The following XPR1 variants were observed in gnomAD, a reference collection of about 807,000 sequenced individuals.
XPR1 encodes the protein solute carrier family 53 member 1.
XPR1 carries 28 observed loss-of-function variants against 87.5 expected under a neutral mutation model. That is an observed-to-expected ratio of 0.32 (90% confidence interval 0.24 to 0.44). The LOEUF (loss-of-function observed/expected upper bound fraction) is 0.44. XPR1 is among the 20% of genes least tolerant of loss of function. The probability of loss-of-function intolerance (pLI) is 1.00; values close to 1 mark genes in which losing one functional copy is unlikely to be tolerated. For synonymous variants in XPR1, 300 were observed against 306.1 expected (o/e 0.98, Z 0.21); for missense variants, 559 against 862.3 (o/e 0.65, Z 4.41).
intron 12 of XPR1, among the ~76,000 whole-genome samples, chr1:180,872,655 A>G (rs1175794040): frequency 7.5e-6 from 1 of 133,176 alleles, no homozygotes; most frequent in African/African-American, 2.9e-5. Flanking sequence ...AGGTGAGGCA[A>G]TGCCTCGCCC....
At chr1:180,785,011 TTGTGTGTGTG>T (rs1186269708) in intron 2 of XPR1, among the ~76,000 whole-genome samples, 12 of 136,278 alleles carry the variant, frequency 8.8e-5, no homozygotes, top group Non-Finnish European at 1.4e-4. Context: ...GTGTGTGTGT[TTGTGTGTGTG>T]TGTGTGTGTG....
At chr1:180,658,728 C>CTT (rs112053904) in intron 1 of XPR1, among the ~76,000 whole-genome samples, 11 of 140,656 alleles carry the variant, frequency 7.8e-5, no homozygotes, top group African/African-American at 2.1e-4. Context: ...CCATGCCCAG[C>CTT]TTTTTTTTTT....
At chr1:180,680,715 T>C (rs1000066952) in intron 1 of XPR1, among the ~76,000 whole-genome samples, 3 of 152,084 alleles carry the variant, frequency 2.0e-5, no homozygotes, top group South Asian at 2.1e-4. Flanking sequence ...TGGGCATTTA[T>C]CCAAAGGAAA....
At chr1:180,847,530 A>G (rs561343548) in intron 11 of XPR1, among the ~76,000 whole-genome samples, 31 of 152,302 alleles carry the variant, frequency 2.0e-4, no homozygotes, top group South Asian at 4.1e-4. Context: ...TAAAATTAGT[A>G]AAATTGAGAG....
intron 7 of XPR1, 110 bp from the exon 8 acceptor site, chr1:180,824,643 A>C: frequency 1.1e-6 from 1 of 929,204 alleles, no homozygotes; most frequent in Non-Finnish European, 1.6e-6. Flanking sequence ...GGTTTTATTT[A>C]TGAAAAATTT....
chr1:180,824,907 T>G lies in XPR1; in HGVS notation c.918T>G (p.Asn306Lys). The G allele has an allele frequency of 6.2e-7, 1 of 1,613,820 alleles. No individual in the cohort carries two copies. The highest frequency in any genetic ancestry group is 8.5e-7 in the Non-Finnish European group (1 of 1,179,962). Reference sequence around the variant, plus strand: ...ACCATGTACTCATCTTTGAACTTAATCCGAGAAGCAATTTGTCTCATCAAC... The same window carrying G: ...ACCATGTACTCATCTTTGAACTTAAGCCGAGAAGCAATTTGTCTCATCAAC... The part of the protein sequence containing the change: ...GVNHVLIFEL[N>K]PRSNLSHQHL... Residue 306 changes from asparagine to lysine, a missense_variant, in exon 8 of 15, where the codon AAT (asparagine) becomes AAG (lysine). Transcript: ENST00000367590.
chr1:180,866,479 G>A (rs1289323857), intron 12 of XPR1, among the ~76,000 whole-genome samples: 1 of 152,132 alleles, frequency 6.6e-6, no homozygotes, highest in South Asian at 2.1e-4. Flanking sequence ...TGACCTCAAA[G>A]ATAAGTGTAT....
At chr1:180,722,657 T>C (rs539966993) in intron 2 of XPR1, among the ~76,000 whole-genome samples, 1 of 152,210 alleles carries the variant, frequency 6.6e-6, no homozygotes, top group South Asian at 2.1e-4. Context: ...TTTTGAAAAA[T>C]CTTGCCTAAG....
chr1:180,744,453 A>G (rs1010622303), intron 2 of XPR1, among the ~76,000 whole-genome samples: 5 of 152,002 alleles, frequency 3.3e-5, no homozygotes, highest in Non-Finnish European at 4.4e-5. Context: ...TTTTTGTTAC[A>G]TAATTCCAAC....
intron 1 of XPR1, among the ~76,000 whole-genome samples, chr1:180,666,102 T>G (rs913153331): frequency 6.6e-6 from 1 of 152,154 alleles, no homozygotes; most frequent in African/African-American, 2.4e-5. Flanking sequence ...TCATAAAAAT[T>G]TATTTGACCG....
chr1:180,776,271 CT>C (rs1558002756), intron 2 of XPR1, among the ~76,000 whole-genome samples: 1 of 152,064 alleles, frequency 6.6e-6, no homozygotes, highest in African/African-American at 2.4e-5. Flanking sequence ...AACTTTCATT[CT>C]GATCTACTTA....
intron 2 of XPR1, among the ~76,000 whole-genome samples, chr1:180,698,637 ATAT>A (rs1557962850): frequency 1.3e-5 from 2 of 152,080 alleles, no homozygotes; most frequent in Non-Finnish European, 2.9e-5. Context: ...ATGATGGTAG[ATAT>A]TATTCTTTAG....
chr1:180,666,348 A>T (rs1177465072), intron 1 of XPR1, among the ~76,000 whole-genome samples: 1 of 152,186 alleles, frequency 6.6e-6, no homozygotes, highest in Non-Finnish European at 1.5e-5. Flanking sequence ...TTCGATAGGT[A>T]CTGGACTGAA....
chr1:180,845,129 A>G (rs1431837354), intron 11 of XPR1, among the ~76,000 whole-genome samples: 1 of 152,206 alleles, frequency 6.6e-6, no homozygotes, highest in African/African-American at 2.4e-5. Flanking sequence ...CACTTTGGTA[A>G]TAAAAACAGA....
intron 1 of XPR1, among the ~76,000 whole-genome samples, chr1:180,637,180 T>C (rs922249755): frequency 1.3e-5 from 2 of 152,280 alleles, no homozygotes; most frequent in East Asian, 3.9e-4. Context: ...GCAGTACCCC[T>C]GCTAAGGAGG....
intron 2 of XPR1, among the ~76,000 whole-genome samples, chr1:180,715,293 A>C (rs1425953675): frequency 1.3e-5 from 2 of 152,174 alleles, no homozygotes; most frequent in Non-Finnish European, 2.9e-5. Flanking sequence ...TATGAGCGTC[A>C]CTCTGCTGGG....
At chr1:180,772,166 T>G (rs916048955) in intron 2 of XPR1, among the ~76,000 whole-genome samples, 3 of 152,238 alleles carry the variant, frequency 2.0e-5, no homozygotes, top group Admixed American at 6.5e-5. Flanking sequence ...TATAATCTAG[T>G]ACTGTTACTG....
chr1:180,669,332 A>G (rs748272756), intron 1 of XPR1, among the ~76,000 whole-genome samples: 1 of 151,858 alleles, frequency 6.6e-6, no homozygotes, highest in Non-Finnish European at 1.5e-5. Context: ...TTTGCTCCAT[A>G]TATTCTGATG....
chr1:180,657,561 G>A (rs933474867), intron 1 of XPR1, among the ~76,000 whole-genome samples: 4 of 152,138 alleles, frequency 2.6e-5, no homozygotes, highest in Admixed American at 6.5e-5. Context: ...TTTCTCCAAT[G>A]TATGTTCTTG....
Sources: allele counts gnomAD v4.1 joint callset (sites outside exome capture counted in the v4.1 genomes callset), GRCh38; gene constraint gnomAD v4.1.1; transcripts MANE v1.5; gene names NCBI Gene and HGNC (gene_info 2026-07-23, HGNC 2026-07-21).